Variants in SLC35D4 observed in about 807,000 individuals in gnomAD.
SLC35D4 encodes the protein UDP-N-acetylglucosamine transporter SLC35D4.
chr18:23,306,755 G>GA, the SLC35D4 span, among the ~76,000 whole-genome samples: 3 of 152,110 alleles, frequency 2.0e-5, no homozygotes, highest in Non-Finnish European at 4.4e-5. Context: ...CCATGGGGGG[G>GA]AAAAATCTGC....
the SLC35D4 span, among the ~76,000 whole-genome samples, chr18:23,246,640 C>T: frequency 1.3e-5 from 2 of 151,830 alleles, no homozygotes; most frequent in South Asian, 2.1e-4. Flanking sequence ...ATCCGCCCAC[C>T]TTGGCCTCCC....
At chr18:23,368,726 G>A in the SLC35D4 span, 1 of 1,429,286 alleles carries the variant, frequency 7.0e-7, no homozygotes, top group South Asian at 1.2e-5. Context: ...TGAATATATA[G>A]TTTAAGTATT....
chr18:23,275,020 T>TGTG, the SLC35D4 span, among the ~76,000 whole-genome samples: 2 of 148,698 alleles, frequency 1.3e-5, no homozygotes, highest in African/African-American at 4.9e-5. Flanking sequence ...TGTGTGTGCT[T>TGTG]GTGTGTCTGC....
the SLC35D4 span, among the ~76,000 whole-genome samples, chr18:23,341,102 C>T: frequency 1.8e-4 from 27 of 152,340 alleles, no homozygotes; most frequent in Non-Finnish European, 2.9e-5. Context: ...GAGTGCTTTA[C>T]ATCATATGTG....
the SLC35D4 span, among the ~76,000 whole-genome samples, chr18:23,388,323 G>A: frequency 4.6e-5 from 7 of 152,202 alleles, no homozygotes; most frequent in Non-Finnish European, 7.3e-5. Context: ...ATAGTGCTAA[G>A]TATTTTATGT....
the SLC35D4 span, among the ~76,000 whole-genome samples, chr18:23,275,651 GCTGTGCTTT>G: frequency 6.9e-6 from 1 of 144,868 alleles, no homozygotes; most frequent in Non-Finnish European, 1.5e-5. Context: ...GCTGTGCTGT[GCTGTGCTTT>G]GTTTGGGGAC....
the SLC35D4 span, among the ~76,000 whole-genome samples, chr18:23,308,272 G>T: frequency 2.0e-5 from 3 of 152,106 alleles, no homozygotes; most frequent in Admixed American, 2.0e-4. Context: ...TGTGTGCCAT[G>T]GCCAAGGCAC....
chr18:23,425,381 G>A, the SLC35D4 span, among the ~76,000 whole-genome samples: 1 of 152,330 alleles, frequency 6.6e-6, no homozygotes, highest in Non-Finnish European at 1.5e-5. Flanking sequence ...GATTACAGGT[G>A]TGAGCCACTG....
chr18:23,263,151 T>G, the SLC35D4 span, among the ~76,000 whole-genome samples: 1,412 of 152,312 alleles, frequency 9.3e-3, 20 homozygotes, highest in African/African-American at 0.033. Context: ...AAAGGCAAGA[T>G]TCAAACCCAG....
At chr18:23,372,338 G>A in the SLC35D4 span, among the ~76,000 whole-genome samples, 1 of 152,174 alleles carries the variant, frequency 6.6e-6, no homozygotes, top group Non-Finnish European at 1.5e-5. Context: ...CATAGCAGGT[G>A]CTCAATGACA....
the SLC35D4 span, among the ~76,000 whole-genome samples, chr18:23,301,016 G>A: frequency 6.6e-6 from 1 of 152,252 alleles, no homozygotes; most frequent in Non-Finnish European, 1.5e-5. Flanking sequence ...GCCTAATGCA[G>A]CACTCAATAA....
chr18:23,370,125 G>A, the SLC35D4 span: 3 of 1,134,406 alleles, frequency 2.6e-6, no homozygotes, highest in Admixed American at 2.5e-5. Context: ...GGTGCGGTGA[G>A]CTGAGACCGC....
At chr18:23,253,997 CAGA>C in the SLC35D4 span, 1 of 1,447,876 alleles carries the variant, frequency 6.9e-7, no homozygotes, top group Admixed American at 1.7e-5. Context: ...GTTCCTCTCT[CAGA>C]AGGATTCGGT....
chr18:23,240,018 TGA>T, the SLC35D4 span, among the ~76,000 whole-genome samples: 2 of 152,178 alleles, frequency 1.3e-5, no homozygotes, highest in Non-Finnish European at 2.9e-5. Flanking sequence ...CTGGAGAGGC[TGA>T]GGTGGGAGAA....
chr18:23,410,206 C>T, the SLC35D4 span, among the ~76,000 whole-genome samples: 71 of 152,250 alleles, frequency 4.7e-4, no homozygotes, highest in African/African-American at 1.3e-3. Context: ...TTAGGCCGGG[C>T]GCGGTGGCTC....
At chr18:23,301,248 G>A in the SLC35D4 span, among the ~76,000 whole-genome samples, 12 of 152,120 alleles carry the variant, frequency 7.9e-5, no homozygotes, top group African/African-American at 2.7e-4. Context: ...AAATTTGAGA[G>A]GTAATCAGCA....
the SLC35D4 span, among the ~76,000 whole-genome samples, chr18:23,280,768 A>G: frequency 2.0e-5 from 3 of 152,326 alleles, no homozygotes; most frequent in Non-Finnish European, 2.9e-5. Flanking sequence ...TAAAGGCCTG[A>G]GGATAACATA....
chr18:23,370,475 G>A, the SLC35D4 span, among the ~76,000 whole-genome samples: 2 of 152,144 alleles, frequency 1.3e-5, no homozygotes, highest in African/African-American at 4.8e-5. Context: ...CTATGATAAC[G>A]CAGTCAGTCC....
chr18:23,286,783 T>C, the SLC35D4 span, among the ~76,000 whole-genome samples: 1,583 of 152,162 alleles, frequency 0.01, 18 homozygotes, highest in African/African-American at 0.035. Flanking sequence ...GCACTCCTTT[T>C]AGTTATCCCC....
Sources: allele counts gnomAD v4.1 joint callset (sites outside exome capture counted in the v4.1 genomes callset), GRCh38; gene constraint gnomAD v4.1.1; transcripts MANE v1.5; gene names NCBI Gene and HGNC (gene_info 2026-07-23, HGNC 2026-07-21).